Variants in SNED1 observed in about 807,000 individuals in gnomAD.
SNED1 encodes the protein sushi, nidogen and EGF like domains 1, also known as sushi, nidogen and EGF-like domain-containing protein 1.
A neutral mutation model predicts 166.7 loss-of-function variants in SNED1; 81 were observed. The observed-to-expected ratio is 0.49, with a 90% CI of 0.41 to 0.58. SNED1 has a LOEUF of 0.58. Among genes scored for constraint, SNED1 ranks in the 20% least tolerant of loss-of-function variants. The pLI is 0.00. For synonymous variants in SNED1, 762 were observed against 822.0 expected, an observed-to-expected ratio of 0.93 and a Z score of 1.25; for missense variants, 1,604 against 2,000.2, an observed-to-expected ratio of 0.80 and a Z score of 3.78.
At chr2:241,071,315 C>T in intron 24 of SNED1, 1 of 568,190 alleles carries the variant, frequency 1.8e-6, no homozygotes. Flanking sequence ...TCAGCCCTGC[C>T]TCATGACTCC....
At chr2:241,053,597 T>G (rs1451689186) in intron 16 of SNED1, among the ~76,000 whole-genome samples, 1 of 152,186 alleles carries the variant, frequency 6.6e-6, no homozygotes, top group African/African-American at 2.4e-5. Flanking sequence ...AAATACCCAC[T>G]CTGCAGATGC....
In SNED1 at chr2:241,068,841, C is replaced by T. The variant is rs964731955; in HGVS notation, c.3195-70C>T. On this transcript the variant is annotated intron_variant, in intron 22 of 31. Coordinates refer to ENST00000310397, the MANE Select transcript of SNED1 (RefSeq NM_001080437.3). The surrounding 1 kb of genome is among the most constrained non-coding windows in gnomAD (Gnocchi z 5.3). ...AGTCACCTCCTGCCTGGGGGAGCTG[C>T]GGTCTGGCAGCAGAGTCACACACAG... 1.6e-5 allele frequency: 18 copies of T among 1,098,906 alleles called. No individual in the cohort carries two copies. Among genetic ancestry groups the T allele is most frequent in the Middle Eastern group, 2.0e-4 (1 of 4,938 alleles). The allele number at this position is 1,098,906 out of a possible 1,614,324, so 68.1% of individuals were successfully genotyped here. A position where few individuals can be genotyped will look rare whatever the true frequency, so the allele number is the denominator to read the frequency against.
intron 6 of SNED1, among the ~76,000 whole-genome samples, chr2:241,038,716 G>A (rs565498829): frequency 6.6e-5 from 10 of 152,368 alleles, no homozygotes; most frequent in East Asian, 5.8e-4. Flanking sequence ...CATTGGTGCC[G>A]TGGCAGACTC....
At position 241,071,828 on chromosome 2, in the gene SNED1, T is replaced by G. The variant is rs755650422; in HGVS notation, c.3767T>G (p.Val1256Gly). Residue 1256 changes from valine (V) to glycine (G), a missense_variant, in exon 26 of 32, where the codon GTG (valine) becomes GGG (glycine). Coordinates refer to ENST00000310397, the MANE Select transcript of SNED1 (RefSeq NM_001080437.3). The part of the protein sequence containing the change: ...FSELVDGRGR[V>G]SARFGGSPSK... ...GAGCTTGTGGACGGCAGAGGAAGAG[T>G]GAGCGCCAGGTTCGGTGGCTCACCC... The G allele has an allele frequency of 1.2e-6, 2 of 1,601,952 alleles. No individual in the cohort carries two copies. The highest frequency in any genetic ancestry group is 1.7e-6 in the Non-Finnish European group (2 of 1,175,272).
intron 27 of SNED1, among the ~76,000 whole-genome samples, chr2:241,081,123 G>C (rs2063306789): frequency 6.6e-6 from 1 of 152,230 alleles, no homozygotes; most frequent in African/African-American, 2.4e-5. Context: ...GGGCTGGCTG[G>C]GGGTGCACAC....
At chr2:241,037,886 G>T (rs1395510375) in intron 6 of SNED1, among the ~76,000 whole-genome samples, 2 of 152,202 alleles carry the variant, frequency 1.3e-5, no homozygotes, top group African/African-American at 4.8e-5. Flanking sequence ...CACAGCCTAG[G>T]TGGGGCCTGG....
At chr2:241,029,522 G>A (rs982658492) in intron 1 of SNED1, among the ~76,000 whole-genome samples, 3 of 152,150 alleles carry the variant, frequency 2.0e-5, no homozygotes, top group Admixed American at 6.5e-5. Context: ...GTGGGAGTTC[G>A]GATCTCAACA....
In SNED1 at chr2:241,091,772, T is replaced by A. The variant is rs2064023512; in HGVS notation, c.*136T>A. 3 of 152,312 alleles carry A rather than the reference T, an allele frequency of 2.0e-5. No individual in the cohort carries two copies. The highest frequency in any genetic ancestry group is 1.3e-4 in the Admixed American group (2 of 15,288). 9.4% of individuals were successfully genotyped at this position (152,312 alleles called of 1,614,324 possible). A position where few individuals can be genotyped will look rare whatever the true frequency, so the allele number is the denominator to read the frequency against. On this transcript the variant is annotated 3_prime_UTR_variant, in exon 32 of 32. Coordinates refer to ENST00000310397, the MANE Select transcript of SNED1 (RefSeq NM_001080437.3). This position sits in a 1 kb window ranked among gnomAD's most constrained non-coding sequence, Gnocchi z 4.1. ...TGGAGTCAGTCCCCTCTGTGACCTC[T>A]CTCCTCAGGCCTCTAGAGGACAGAT...
chr2:241,009,566 G>A (rs746896412), intron 1 of SNED1, among the ~76,000 whole-genome samples: 19 of 152,238 alleles, frequency 1.2e-4, no homozygotes, highest in Non-Finnish European at 2.5e-4. Context: ...GGGGCTGGGG[G>A]CATGGCCCCA....
chr2:241,046,678 A>G (rs2125071617), intron 8 of SNED1, among the ~76,000 whole-genome samples: 1 of 152,332 alleles, frequency 6.6e-6, no homozygotes, highest in South Asian at 2.1e-4. Flanking sequence ...GAGATAGACC[A>G]AAGAAGTCTT....
intron 31 of SNED1, chr2:241,090,233 T>C: frequency 6.7e-7 from 1 of 1,492,824 alleles, no homozygotes; most frequent in South Asian, 1.3e-5. Context: ...TATTTAACTT[T>C]TGTTAAAAAC....
chr2:241,004,244 C>T (rs556004854), intron 1 of SNED1, among the ~76,000 whole-genome samples: 21 of 152,338 alleles, frequency 1.4e-4, no homozygotes, highest in African/African-American at 5.1e-4. Flanking sequence ...AAATCTTCAG[C>T]AAAACCCTTA....
At chr2:241,065,098 C>T in intron 20 of SNED1, 141 bp downstream of exon 20, 3 of 816,830 alleles carry the variant, frequency 3.7e-6, no homozygotes, top group East Asian at 2.7e-5. Flanking sequence ...GGATAAAATC[C>T]CCCGGTGGGC....
chr2:241,024,235 C>CTTTTTTTTTTT (rs10664618), intron 1 of SNED1, among the ~76,000 whole-genome samples: 3 of 46,938 alleles, frequency 6.4e-5, no homozygotes, highest in African/African-American at 1.7e-4. Flanking sequence ...ACTCTACTAC[C>CTTTTTTTTTTT]TTTTTTTTTT....
intron 21 of SNED1, among the ~76,000 whole-genome samples, chr2:241,067,562 C>T (rs956907440): frequency 3.3e-5 from 5 of 152,294 alleles, no homozygotes; most frequent in East Asian, 3.9e-4. Flanking sequence ...ATGCTCACAG[C>T]GGGTTCTGCA....
chr2:241,064,400 C>T lies in SNED1; in HGVS notation c.2599+275C>T, dbSNP rs181718625. Among the ~76,000 whole-genome samples the T allele has an allele frequency of 2.4e-4, 36 of 152,320 alleles. No individual in the cohort carries two copies. The highest frequency in any genetic ancestry group is 4.1e-4 in the Non-Finnish European group (28 of 68,020). On this transcript the variant is annotated intron_variant, in intron 19 of 31. Transcript: ENST00000310397. The surrounding 1 kb of genome is among the most constrained non-coding windows in gnomAD (Gnocchi z 7.0). The stretch of plus-strand genomic sequence containing the variant: ...GGACACACCCAGGGGTGGGGCCTCA[C>T]GTCCACACATAGGCCCTGCTGCCCT...
Position 241,067,815 on chromosome 2 carries a change from T to C in SNED1, c.3062T>C (p.Ile1021Thr). ...FEVTNVTASTISVQWALHRIR... is the reference protein window; with the variant it reads ...FEVTNVTASTTSVQWALHRIR... ...GTCACCAATGTGACGGCTAGCACCA[T>C]CTCAGTGCAGTGGGCCCTGCACAGG... Residue 1021 changes from isoleucine to threonine, a missense_variant, in exon 22 of 32, where the codon ATC becomes ACC. Ile to Thr is a moderately conservative substitution (Grantham distance 89). Around this residue, in one of 2 missense-constraint regions of SNED1, gnomAD observed 1,237 missense variants for 1,620.8 expected, o/e 0.76. Transcript: ENST00000310397. 1.9e-6 allele frequency: 3 copies of C among 1,613,410 alleles called. No individual in the cohort carries two copies. Among genetic ancestry groups the C allele is most frequent in the Non-Finnish European group, 2.5e-6 (3 of 1,179,736 alleles).
chr2:241,087,230 A>T, intron 29 of SNED1, 162 bp from the exon 30 acceptor site: 1 of 612,148 alleles, frequency 1.6e-6, no homozygotes, highest in Non-Finnish European at 2.9e-6. Flanking sequence ...CCTTTATGTT[A>T]GACATTTTAA....
Position 241,064,284 on chromosome 2 carries a change from G to A in SNED1, c.2599+159G>A, listed in dbSNP as rs762376939. ...TGGAAGTCCCCTTCTCAGGCCAGTG[G>A]CCCTCCGCCTGTCTCCCTTGGTCCC... On this transcript the variant is annotated intron_variant, in intron 19 of 31. Coordinates refer to ENST00000310397, the MANE Select transcript of SNED1 (RefSeq NM_001080437.3). The surrounding 1 kb of genome is among the most constrained non-coding windows in gnomAD (Gnocchi z 7.0). Among the ~76,000 whole-genome samples the A allele has an allele frequency of 1.3e-4, 20 of 151,524 alleles. No homozygotes were observed. Among genetic ancestry groups the A allele is most frequent in the Non-Finnish European group, 2.1e-4 (14 of 67,894 alleles).
Sources: gnomAD v4.1 joint callset for allele counts (sites outside exome capture counted in the v4.1 genomes callset) on GRCh38, gnomAD v4.1.1 for gene constraint, gnomAD v4.1.1 regional missense constraint, Gnocchi (gnomAD v3.1) non-coding constraint, MANE v1.5 for transcripts, NCBI Gene and HGNC (gene_info 2026-07-23, HGNC 2026-07-21) for gene names.